EIF4ENIF1: variants seen among roughly 807,000 people sequenced by gnomAD.
EIF4ENIF1 encodes eukaryotic translation initiation factor 4E transporter.
Under a neutral mutation model 110.5 loss-of-function variants are expected in EIF4ENIF1, and 23 were observed. The ratio of observed to expected loss-of-function variants is 0.21; its 90% CI spans 0.15 to 0.29. The LOEUF is 0.29. Ranked by LOEUF, EIF4ENIF1 falls within the 10% of genes least tolerant of loss-of-function variation. The pLI is 1.00. For synonymous variants in EIF4ENIF1, 440 were observed against 437.0 expected, an observed-to-expected ratio of 1.01 and a Z score of -0.09; for missense variants, 1,031 against 1,221.1, an observed-to-expected ratio of 0.84 and a Z score of 2.32.
At chr22:31,454,484 G>T in intron 9 of EIF4ENIF1, 108 bp from the exon 10 acceptor site, 1 of 928,100 alleles carries the variant, frequency 1.1e-6, no homozygotes, top group Non-Finnish European at 1.6e-6. Context: ...TCAAAATTGA[G>T]ATGAGACTGT....
At chr22:31,478,239 G>C (rs1015445324) in intron 2 of EIF4ENIF1, among the ~76,000 whole-genome samples, 1 of 152,136 alleles carries the variant, frequency 6.6e-6, no homozygotes, top group Non-Finnish European at 1.5e-5. Flanking sequence ...TTTGGGCCAG[G>C]CATGCTGGCT....
intron 9 of EIF4ENIF1, among the ~76,000 whole-genome samples, chr22:31,454,601 G>T (rs2050762160): frequency 6.6e-6 from 1 of 152,164 alleles, no homozygotes; most frequent in South Asian, 2.1e-4. Flanking sequence ...GAAACTGGGG[G>T]ACCACAACTA....
chr22:31,476,923 G>T (rs1391543852), intron 2 of EIF4ENIF1, among the ~76,000 whole-genome samples: 1 of 151,296 alleles, frequency 6.6e-6, no homozygotes, highest in Non-Finnish European at 1.5e-5. Flanking sequence ...TTGCGAACCT[G>T]GGAGGCAGAG....
rs777475214 is a variant in EIF4ENIF1 at position 31,448,213 on chromosome 22, C to T, written c.1788G>A (p.Gln596=). ...CTTGGAATGGATCTCCGAGTAGCTG[C>T]TGTGGTCCTGGTGTGAAACCTGTCG... The part of the protein sequence containing the change: ...PSPIGFTPGP[Q]QLLGDPFQGM... The change falls in exon 13 of 19, where the codon CAG becomes CAA. Residue 596 remains glutamine (Q), a synonymous_variant. Coordinates refer to ENST00000330125, the MANE Select transcript of EIF4ENIF1 (RefSeq NM_019843.4). The T allele has an allele frequency of 6.2e-7, 1 of 1,614,190 alleles. No homozygotes were observed. The highest frequency in any genetic ancestry group is 8.5e-7 in the Non-Finnish European group (1 of 1,180,024).
At chr22:31,483,305 TTC>T (rs564949297) in intron 2 of EIF4ENIF1, among the ~76,000 whole-genome samples, 3 of 149,006 alleles carry the variant, frequency 2.0e-5, no homozygotes, top group Non-Finnish European at 4.4e-5. Context: ...CCTCAAACGA[TTC>T]TCTCACCTCA....
At chr22:31,456,494 A>G (rs1270472157) in intron 7 of EIF4ENIF1, among the ~76,000 whole-genome samples, 2 of 151,556 alleles carry the variant, frequency 1.3e-5, no homozygotes, top group African/African-American at 2.4e-5. Flanking sequence ...AAGTGCTGGG[A>G]TTACAAGCAT....
intron 2 of EIF4ENIF1, among the ~76,000 whole-genome samples, chr22:31,483,062 T>C (rs924730235): frequency 6.6e-6 from 1 of 150,580 alleles, no homozygotes; most frequent in African/African-American, 2.4e-5. Context: ...TGGATCTGAA[T>C]AGTGGGATGG....
rs934683924 is a variant in EIF4ENIF1, at chr22:31,482,837, C to T, written c.96+5786G>A. On this transcript the variant is annotated intron_variant, in intron 2 of 18. Transcript: ENST00000330125. Reference sequence around the variant, plus strand: ...AGGAGATCGAGACCATCCTGGCCAACATGGTGAAACCCCATCTCTACTAAA... The same window carrying T: ...AGGAGATCGAGACCATCCTGGCCAATATGGTGAAACCCCATCTCTACTAAA... Among the ~76,000 whole-genome samples, 9 of 150,138 alleles carry T rather than the reference C, an allele frequency of 6.0e-5. 1 individual carries two copies. The highest frequency in any genetic ancestry group is 2.0e-4 in the African/African-American group (8 of 40,858).
At chr22:31,454,868 A>G (rs1241619709) in intron 9 of EIF4ENIF1, among the ~76,000 whole-genome samples, 2 of 151,978 alleles carry the variant, frequency 1.3e-5, no homozygotes, top group African/African-American at 4.8e-5. Context: ...CATTCACTGG[A>G]GTTTGTTTTC....
chr22:31,442,837 T>C (rs945529914), intron 16 of EIF4ENIF1, 125 bp downstream of exon 16: 8 of 1,256,434 alleles, frequency 6.4e-6, no homozygotes, highest in African/African-American at 4.5e-5. Flanking sequence ...CACAGAACCA[T>C]AGTCCAGAGA....
At chr22:31,478,416 T>G (rs756597725) in intron 2 of EIF4ENIF1, among the ~76,000 whole-genome samples, 1 of 148,456 alleles carries the variant, frequency 6.7e-6, no homozygotes, top group Non-Finnish European at 1.5e-5. Flanking sequence ...TTCAGGAGGC[T>G]GAGGCACAAG....
chr22:31,466,575 C>G (rs1229343526), intron 4 of EIF4ENIF1, among the ~76,000 whole-genome samples: 1 of 139,178 alleles, frequency 7.2e-6, no homozygotes, highest in Non-Finnish European at 1.5e-5. Flanking sequence ...GAGGGAGACT[C>G]TGTCTCAAAA....
downstream of EIF4ENIF1, among the ~76,000 whole-genome samples, chr22:31,438,997 G>C (rs374368801): frequency 6.6e-6 from 1 of 152,182 alleles, no homozygotes; most frequent in African/African-American, 2.4e-5. Flanking sequence ...TGAGATTACA[G>C]GCGTGAGCCA....
chr22:31,448,684 T>C (rs1298384951), intron 12 of EIF4ENIF1, among the ~76,000 whole-genome samples: 1 of 152,230 alleles, frequency 6.6e-6, no homozygotes. Flanking sequence ...GCAGGAACAC[T>C]ACGACATTCC....
chr22:31,463,978 G>A lies in EIF4ENIF1; in HGVS notation c.299-11C>T, dbSNP rs374225442. The A allele has an allele frequency of 2.2e-5, 36 of 1,605,986 alleles. No homozygotes were observed. Among genetic ancestry groups the A allele is most frequent in the East Asian group, 6.7e-5 (3 of 44,794 alleles). ...CACGCTCTCGTGGATCTGGAAGGAC[G>A]TGGGAAAGACAAAGTTAAACAAACC... On this transcript the variant is annotated splice_polypyrimidine_tract_variant and intron_variant, in intron 4 of 18. Transcript: ENST00000330125.
intron 2 of EIF4ENIF1, among the ~76,000 whole-genome samples, chr22:31,479,195 T>C (rs2051715019): frequency 6.6e-6 from 1 of 151,270 alleles, no homozygotes; most frequent in African/African-American, 2.4e-5. Flanking sequence ...GCCTCCTGAG[T>C]AGGTGGGATT....
At chr22:31,463,651 T>TAAA (rs71319194) in intron 5 of EIF4ENIF1, 30 bp downstream of exon 5, 542 of 1,332,446 alleles carry the variant, frequency 4.1e-4, no homozygotes, top group Non-Finnish European at 4.4e-4. Context: ...CGTCTCAATT[T>TAAA]AAAAAAAAAA....
chr22:31,464,181 G>A (rs2051094863), intron 4 of EIF4ENIF1: 4 of 522,964 alleles, frequency 7.6e-6, no homozygotes, highest in Non-Finnish European at 1.3e-5. Context: ...ATAGAAGTAC[G>A]TCACGATAAA....
chr22:31,478,469 T>TC (rs1319289925), intron 2 of EIF4ENIF1, among the ~76,000 whole-genome samples: 1 of 134,506 alleles, frequency 7.4e-6, no homozygotes, highest in African/African-American at 2.9e-5. Context: ...TGAGCCGAGA[T>TC]CATGCCACAG....
Sources: allele counts gnomAD v4.1 joint callset (sites outside exome capture counted in the v4.1 genomes callset), GRCh38; gene constraint gnomAD v4.1.1; transcripts MANE v1.5; gene names NCBI Gene and HGNC (gene_info 2026-07-23, HGNC 2026-07-21).